Variants in PIERCE1 observed in about 807,000 individuals in gnomAD.
The protein encoded by PIERCE1 is piercer of microtubule wall 1.
At chr9:135,497,046 C>T in the PIERCE1 span, among the ~76,000 whole-genome samples, 22 of 152,376 alleles carry the variant, frequency 1.4e-4, 1 homozygote, top group Admixed American at 1.4e-3. Flanking sequence ...ATCCACCCGC[C>T]TCGGCCTCCC....
the PIERCE1 span, among the ~76,000 whole-genome samples, chr9:135,495,824 A>C: frequency 0.48 from 72,477 of 151,918 alleles, 17,827 homozygotes; most frequent in East Asian, 0.84. Context: ...CTAAGGATAG[A>C]AGAATGAGCT....
At chr9:135,497,843 G>A in the PIERCE1 span, among the ~76,000 whole-genome samples, 1 of 152,188 alleles carries the variant, frequency 6.6e-6, no homozygotes, top group Non-Finnish European at 1.5e-5. Flanking sequence ...TCTCACAAGG[G>A]CTCAGTCACT....
At chr9:135,499,762 C>T in the PIERCE1 span, 39 of 1,607,492 alleles carry the variant, frequency 2.4e-5, no homozygotes, top group East Asian at 5.8e-4. Context: ...GGTCCGCGCT[C>T]ACGCGGTAGT....
chr9:135,495,670 G>A, the PIERCE1 span: 9 of 1,431,416 alleles, frequency 6.3e-6, no homozygotes, highest in East Asian at 2.3e-5. Context: ...TGAGCAATCC[G>A]TTGAATATTT....
chr9:135,496,985 C>T, the PIERCE1 span, among the ~76,000 whole-genome samples: 6 of 151,056 alleles, frequency 4.0e-5, no homozygotes, highest in Admixed American at 2.0e-4. Flanking sequence ...TTAGTAGAGA[C>T]GGGGTTTCGC....
the PIERCE1 span, chr9:135,495,350 G>T: frequency 7.4e-7 from 1 of 1,348,498 alleles, no homozygotes; most frequent in Non-Finnish European, 1.0e-6. Flanking sequence ...ACAATCGGGC[G>T]ACTGTGGGTG....
At chr9:135,496,738 G>A in the PIERCE1 span, among the ~76,000 whole-genome samples, 2 of 150,072 alleles carry the variant, frequency 1.3e-5, no homozygotes, top group Non-Finnish European at 2.9e-5. Context: ...TGGGACAAAT[G>A]TATCATCACA....
At chr9:135,499,304 A>C in the PIERCE1 span, 2 of 411,524 alleles carry the variant, frequency 4.9e-6, no homozygotes, top group Non-Finnish European at 9.7e-6. Flanking sequence ...GCCTACAGGA[A>C]TTGAGTTTCT....
the PIERCE1 span, among the ~76,000 whole-genome samples, chr9:135,495,805 G>A: frequency 2.7e-5 from 4 of 150,252 alleles, no homozygotes; most frequent in Middle Eastern, 3.2e-3. Context: ...CACTGCCCCC[G>A]GCACTGTTCT....
the PIERCE1 span, chr9:135,499,490 C>A: frequency 8.2e-6 from 6 of 731,912 alleles, no homozygotes; most frequent in South Asian, 1.5e-5. Flanking sequence ...TTTCTCCCCC[C>A]ACGGCCCTGC....
chr9:135,497,273 C>T, the PIERCE1 span, among the ~76,000 whole-genome samples: 210 of 152,346 alleles, frequency 1.4e-3, 1 homozygote, highest in East Asian at 3.5e-3. Flanking sequence ...ATGCCTCCTA[C>T]CCCACTGCCT....
At chr9:135,498,473 G>T in the PIERCE1 span, 1 of 861,240 alleles carries the variant, frequency 1.2e-6, no homozygotes, top group Non-Finnish European at 1.8e-6. This position sits in a 1 kb window ranked among gnomAD's most constrained non-coding sequence, Gnocchi z 4.1. Context: ...CCTCCTCCCT[G>T]GGTGCACCCC....
chr9:135,497,856 C>T, the PIERCE1 span, among the ~76,000 whole-genome samples: 3 of 152,218 alleles, frequency 2.0e-5, no homozygotes, highest in Admixed American at 6.5e-5. Context: ...CAGTCACTCA[C>T]GCCACACAAC....
At chr9:135,495,638 G>A in the PIERCE1 span, 1 of 1,558,920 alleles carries the variant, frequency 6.4e-7, no homozygotes, top group South Asian at 1.1e-5. Flanking sequence ...AAGGAACACG[G>A]ATTAATGACG....
the PIERCE1 span, chr9:135,499,053 C>T: frequency 2.2e-5 from 6 of 271,956 alleles, no homozygotes; most frequent in Middle Eastern, 1.2e-3. Flanking sequence ...TGCCTCTGAG[C>T]CCCCACCCTC....
the PIERCE1 span, among the ~76,000 whole-genome samples, chr9:135,496,052 C>T: frequency 3.2e-4 from 48 of 152,348 alleles, no homozygotes; most frequent in African/African-American, 9.4e-4. Context: ...CGGTGGCTCA[C>T]GCCTGTAATC....
chr9:135,496,794 A>AT, the PIERCE1 span, among the ~76,000 whole-genome samples: 10,167 of 122,696 alleles, frequency 0.083, 1,071 homozygotes, highest in East Asian at 0.36. Context: ...CCTTCAGTGC[A>AT]TTTTTTTTTT....
At chr9:135,496,546 T>G in the PIERCE1 span, among the ~76,000 whole-genome samples, 2 of 152,216 alleles carry the variant, frequency 1.3e-5, no homozygotes, top group Non-Finnish European at 2.9e-5. Flanking sequence ...AAACTTTTCT[T>G]TGTTTTTGAG....
At chr9:135,499,402 C>T in the PIERCE1 span, 5 of 632,846 alleles carry the variant, frequency 7.9e-6, no homozygotes, top group Non-Finnish European at 1.2e-5. Context: ...GTGCTCACGC[C>T]CCGCAGCGGA....
Sources: gnomAD v4.1 joint callset for allele counts (sites outside exome capture counted in the v4.1 genomes callset) on GRCh38, gnomAD v4.1.1 for gene constraint, Gnocchi (gnomAD v3.1) non-coding constraint, MANE v1.5 for transcripts, NCBI Gene and HGNC (gene_info 2026-07-23, HGNC 2026-07-21) for gene names.